Variants in WDR37 observed in about 807,000 individuals in gnomAD.
The protein encoded by WDR37 is WD repeat-containing protein 37.
A neutral mutation model predicts 62.9 loss-of-function variants in WDR37; 19 were observed. The ratio of observed to expected loss-of-function variants is 0.30; its 90% CI spans 0.21 to 0.44. WDR37 has a LOEUF of 0.44. Among genes scored for constraint, WDR37 ranks in the 20% least tolerant of loss-of-function variants. The pLI is 1.00. For missense variants in WDR37, 474 were observed against 657.6 expected (o/e 0.72, Z 3.05); for synonymous variants, 250 against 260.9 (o/e 0.96, Z 0.40).
intron 13 of WDR37, among the ~76,000 whole-genome samples, chr10:1,128,791 G>C (rs1835878957): frequency 6.6e-6 from 1 of 152,164 alleles, no homozygotes; most frequent in Admixed American, 6.5e-5. Flanking sequence ...TGCACGTCCT[G>C]GCGGCTCTGC....
intron 11 of WDR37, among the ~76,000 whole-genome samples, chr10:1,108,790 C>A (rs1441947909): frequency 6.8e-6 from 1 of 148,042 alleles, no homozygotes; most frequent in Non-Finnish European, 1.5e-5. Flanking sequence ...CATCCTGGCA[C>A]AGCTCCCTGC....
chr10:1,116,419 C>T (rs1589120203), intron 11 of WDR37, among the ~76,000 whole-genome samples: 3 of 152,180 alleles, frequency 2.0e-5, no homozygotes, highest in Admixed American at 6.5e-5. Context: ...CCTGTGTGCA[C>T]GTAGTTTTGC....
intron 11 of WDR37, among the ~76,000 whole-genome samples, chr10:1,110,747 C>G (rs1835189217): frequency 6.6e-6 from 1 of 152,234 alleles, no homozygotes; most frequent in Non-Finnish European, 1.5e-5. Flanking sequence ...TTCTGAGGGA[C>G]CCTCTGCGCC....
In WDR37 at chr10:1,068,355, C is replaced by CCTGTAGTCCCAGCCACTCGGGGGG. The variant is rs755345670; in HGVS notation, c.-40-3758_-40-3757insTAGTCCCAGCCACTCGGGGGGCTG. On this transcript the variant is annotated intron_variant, in intron 1 of 13. Transcript: ENST00000263150. ...AATTAGCCGGGCGTGGTGGCGGGCGCCTGAGGCAGGAGAATGGCGTGAACC... is the reference window on the plus strand; with the variant it reads ...AATTAGCCGGGCGTGGTGGCGGGCGCCTGTAGTCCCAGCCACTCGGGGGGCTGAGGCAGGAGAATGGCGTGAACC... 1.7e-5 allele frequency among the ~76,000 whole-genome samples: 2 copies of CCTGTAGTCCCAGCCACTCGGGGGG among 115,412 alleles called. 1 individual carries two copies. The highest frequency in any genetic ancestry group is 3.6e-5 in the Non-Finnish European group (2 of 55,320). The allele number at this position is 115,412 out of a possible 152,430, so 75.7% of individuals were successfully genotyped here.
At chr10:1,126,415 A>AG (rs2131698011) in intron 13 of WDR37, among the ~76,000 whole-genome samples, 1 of 151,566 alleles carries the variant, frequency 6.6e-6, no homozygotes, top group East Asian at 1.9e-4. Flanking sequence ...CAGAAAAAAA[A>AG]AAAAGAAACT....
At chr10:1,066,230 C>G (rs1022193609) in intron 1 of WDR37, among the ~76,000 whole-genome samples, 1 of 152,182 alleles carries the variant, frequency 6.6e-6, no homozygotes, top group African/African-American at 2.4e-5. Flanking sequence ...ATTCTCCTGC[C>G]TCAGCCTCCT....
chr10:1,103,569 G>A lies in WDR37; in HGVS notation c.727-33G>A. 1.2e-6 allele frequency: 2 copies of A among 1,602,464 alleles called. No homozygotes were observed. Among genetic ancestry groups the A allele is most frequent in the Non-Finnish European group, 1.7e-6 (2 of 1,170,856 alleles). ...AAGAAACTCAAGATTTCCAGGAAATGTCTTTCTTTTCTGGCCTTCCCTTTG... is the reference window on the plus strand; with the variant it reads ...AAGAAACTCAAGATTTCCAGGAAATATCTTTCTTTTCTGGCCTTCCCTTTG... On this transcript the variant is annotated intron_variant, in intron 9 of 13. Transcript: ENST00000263150. The surrounding 1 kb of genome is among the most constrained non-coding windows in gnomAD (Gnocchi z 6.3).
In WDR37 at chr10:1,130,534, C is replaced by T. The variant is rs1037673587; in HGVS notation, c.*1190C>T. ...GGTGTTCTTGCCTTCTTGGAAATTACTGCTCACCTGGTATCTGTACGTTAA... is the reference window on the plus strand; with the variant it reads ...GGTGTTCTTGCCTTCTTGGAAATTATTGCTCACCTGGTATCTGTACGTTAA... On this transcript the variant is annotated 3_prime_UTR_variant, in exon 14 of 14. Transcript: ENST00000263150. 6.6e-6 allele frequency: 1 copy of T among 152,456 alleles called. No individual in the cohort carries two copies. The highest frequency in any genetic ancestry group is 2.4e-5 in the African/African-American group (1 of 41,450). The allele number at this position is 152,456 out of a possible 1,614,324, so 9.4% of individuals were successfully genotyped here.
intron 13 of WDR37, among the ~76,000 whole-genome samples, chr10:1,126,344 T>G (rs559761051): frequency 6.1e-4 from 91 of 149,544 alleles, no homozygotes; most frequent in African/African-American, 2.1e-3. Flanking sequence ...AGGCGGAGCT[T>G]GCAGTGAGCT....
At chr10:1,106,265 C>G (rs1482240119) in intron 11 of WDR37, among the ~76,000 whole-genome samples, 1 of 152,086 alleles carries the variant, frequency 6.6e-6, no homozygotes, top group Non-Finnish European at 1.5e-5. Context: ...CCACTGTGGT[C>G]CACTGGCAAG....
At chr10:1,099,597 T>C (rs911134407) in intron 9 of WDR37, among the ~76,000 whole-genome samples, 4 of 152,270 alleles carry the variant, frequency 2.6e-5, no homozygotes, top group African/African-American at 4.8e-5. Flanking sequence ...TTGTTCTCTT[T>C]GTGGAATTGC....
intron 11 of WDR37, among the ~76,000 whole-genome samples, chr10:1,116,052 T>G (rs1253418949): frequency 6.6e-6 from 1 of 152,202 alleles, no homozygotes; most frequent in Non-Finnish European, 1.5e-5. Context: ...TTTTGCTACC[T>G]TGATGTACTC....
intron 9 of WDR37, among the ~76,000 whole-genome samples, chr10:1,102,774 T>C (rs1236935165): frequency 6.6e-6 from 1 of 152,164 alleles, no homozygotes; most frequent in African/African-American, 2.4e-5. Flanking sequence ...AATTATCAGT[T>C]CCAGTACTAG....
In WDR37 at chr10:1,080,383, T is replaced by C. The variant is rs1357231489; in HGVS notation, c.332-29T>C. On this transcript the variant is annotated intron_variant, in intron 4 of 13. Transcript: ENST00000263150. ...CTATAGGTCTTTGATTGTGTGATTGTGTTTGATTGTCACTCTCTGTCCCTG... is the reference window on the plus strand; with the variant it reads ...CTATAGGTCTTTGATTGTGTGATTGCGTTTGATTGTCACTCTCTGTCCCTG... 3.1e-6 allele frequency: 5 copies of C among 1,613,876 alleles called. 1 individual carries two copies. Among genetic ancestry groups the C allele is most frequent in the Non-Finnish European group, 2.5e-6 (3 of 1,179,902 alleles).
At position 1,070,476 on chromosome 10, in the gene WDR37, T is replaced by C. The variant is rs74120403; in HGVS notation, c.-40-1640T>C. Among the ~76,000 whole-genome samples, 1,346 of 152,220 alleles carry C rather than the reference T, an allele frequency of 8.8e-3. 13 individuals carry two copies. The highest frequency in any genetic ancestry group is 0.021 in the African/African-American group (870 of 41,556). On this transcript the variant is annotated intron_variant, in intron 1 of 13. Coordinates refer to ENST00000263150, the MANE Select transcript of WDR37 (RefSeq NM_014023.4). ...ACTCACATTCATATTTAGAAAGACA[T>C]TTAGAAGAGATATTTAGAAAAATGC... is the stretch of plus-strand genomic sequence containing the variant.
At chr10:1,061,694 C>T (rs1481555353) in intron 1 of WDR37, among the ~76,000 whole-genome samples, 2 of 152,104 alleles carry the variant, frequency 1.3e-5, no homozygotes, top group East Asian at 3.9e-4. Flanking sequence ...CAAAAATTAG[C>T]TGGGCATGGT....
At position 1,072,378 on chromosome 10, in the gene WDR37, T is replaced by C. The variant is rs59497142; in HGVS notation, c.138+85T>C. 5.8e-3 allele frequency: 8,998 copies of C among 1,538,910 alleles called. 60 individuals carry two copies. Among genetic ancestry groups the C allele is most frequent in the African/African-American group, 0.03 (2,221 of 73,342 alleles). ...CGTTTCCCCGGCTGGAGTGCGATGG[T>C]GCGATCTCCGCTCACAACCTCCACC... On this transcript the variant is annotated intron_variant, in intron 2 of 13. Coordinates refer to ENST00000263150, the MANE Select transcript of WDR37 (RefSeq NM_014023.4).
At chr10:1,128,038 T>C (rs1260611575) in intron 13 of WDR37, among the ~76,000 whole-genome samples, 1 of 152,238 alleles carries the variant, frequency 6.6e-6, no homozygotes, top group Non-Finnish European at 1.5e-5. Flanking sequence ...GCTGCTTCCT[T>C]TTTTGTGCCT....
intron 5 of WDR37, among the ~76,000 whole-genome samples, chr10:1,082,056 C>T (rs1413864131): frequency 6.6e-6 from 1 of 152,176 alleles, no homozygotes; most frequent in Non-Finnish European, 1.5e-5. Context: ...TACTAATGAT[C>T]TTTATAGCCT....
Sources: gnomAD v4.1 joint callset for allele counts (sites outside exome capture counted in the v4.1 genomes callset) on GRCh38, gnomAD v4.1.1 for gene constraint, Gnocchi (gnomAD v3.1) non-coding constraint, MANE v1.5 for transcripts, NCBI Gene and HGNC (gene_info 2026-07-23, HGNC 2026-07-21) for gene names.